RCBTB1: variants seen among roughly 807,000 people sequenced by gnomAD.
The protein encoded by RCBTB1 is RCC1 and BTB domain containing protein 1.
In RCBTB1, 46 loss-of-function variants were observed where a neutral mutation model predicts 62.4. That is an observed-to-expected ratio of 0.74 (90% CI 0.58 to 0.94). The LOEUF is 0.94. Ranked by LOEUF, RCBTB1 falls within the 40% of genes least tolerant of loss-of-function variation. The pLI, the probability that RCBTB1 is intolerant of heterozygous loss-of-function variation, is 0.00. For synonymous variants in RCBTB1, 222 were observed against 245.8 expected (o/e 0.90, Z 0.91); for missense variants, 565 against 654.9 (o/e 0.86, Z 1.50).
intron 2 of RCBTB1, among the ~76,000 whole-genome samples, chr13:49,569,852 G>T (rs9568267): frequency 6.6e-6 from 1 of 152,038 alleles, no homozygotes; most frequent in African/African-American, 2.4e-5. Flanking sequence ...GGCTGCAGTT[G>T]AGCCGAGATC....
At chr13:49,546,136 C>T (rs1203998418) in intron 9 of RCBTB1, 14 of 985,182 alleles carry the variant, frequency 1.4e-5, no homozygotes, top group African/African-American at 1.7e-5. Context: ...TTGCTACCCC[C>T]ACCCATCCAA....
At chr13:49,561,014 A>T (rs1269548995) in intron 4 of RCBTB1, among the ~76,000 whole-genome samples, 1 of 152,136 alleles carries the variant, frequency 6.6e-6, no homozygotes, top group East Asian at 1.9e-4. Context: ...TAATGACTTT[A>T]TCTTTTCTGA....
At chr13:49,553,657 G>A (rs1961587627) in intron 6 of RCBTB1, among the ~76,000 whole-genome samples, 1 of 152,114 alleles carries the variant, frequency 6.6e-6, no homozygotes, top group African/African-American at 2.4e-5. Flanking sequence ...GTGGCATCGA[G>A]CCCCACAGCA....
chr13:49,547,442 A>G (rs1566224164), intron 9 of RCBTB1, among the ~76,000 whole-genome samples: 1 of 152,246 alleles, frequency 6.6e-6, no homozygotes, highest in Non-Finnish European at 1.5e-5. Flanking sequence ...AGCACAGAGC[A>G]TCATGACCCA....
intron 4 of RCBTB1, among the ~76,000 whole-genome samples, chr13:49,563,584 A>C (rs1012983740): frequency 2.6e-5 from 4 of 152,152 alleles, no homozygotes; most frequent in Non-Finnish European, 5.9e-5. Flanking sequence ...GCTTGAACCC[A>C]GGAGGCTGAT....
chr13:49,540,804 ACGC>A, intron 12 of RCBTB1, 69 bp downstream of exon 12: 1 of 1,519,858 alleles, frequency 6.6e-7, no homozygotes, highest in Non-Finnish European at 8.9e-7. Context: ...TCCATGCCTC[ACGC>A]AAGAAGCGGG....
Position 49,560,023 on chromosome 13 carries a change from G to C in RCBTB1, c.339C>G (p.Asn113Lys). The C allele has an allele frequency of 6.2e-7, 1 of 1,614,150 alleles. No individual in the cohort carries two copies. Among genetic ancestry groups the C allele is most frequent in the Non-Finnish European group, 8.5e-7 (1 of 1,180,014 alleles). Reference protein sequence around the residue: ...GYSQLGNGTTNQGIAPVQVCT... With the variant: ...GYSQLGNGTTKQGIAPVQVCT... ...AGACCTGGACGGGAGCAATGCCTTG[G>C]TTGGTCGTCCCATTCCCAAGCTGGC... The change falls in exon 5 of 13, where the codon AAC (asparagine) becomes AAG (lysine). Residue 113 changes from asparagine to lysine, a missense_variant. By Grantham distance (94) the Asn-to-Lys change is moderately conservative. Coordinates refer to ENST00000378302, the MANE Select transcript of RCBTB1 (RefSeq NM_018191.4).
At chr13:49,581,653 C>T (rs935287321) in intron 1 of RCBTB1, among the ~76,000 whole-genome samples, 2 of 152,084 alleles carry the variant, frequency 1.3e-5, no homozygotes, top group South Asian at 2.1e-4. Flanking sequence ...GAAACTCCAA[C>T]GGGAAAGGGA....
At chr13:49,546,205 ACT>A (rs1241077914) in intron 9 of RCBTB1, 1 of 985,166 alleles carries the variant, frequency 1.0e-6, no homozygotes, top group African/African-American at 1.7e-5. Flanking sequence ...GGCTGAAATG[ACT>A]CTTTCTCCTC....
chr13:49,541,157 C>A, intron 11 of RCBTB1, 151 bp from the exon 12 acceptor site: 2 of 644,726 alleles, frequency 3.1e-6, no homozygotes, highest in South Asian at 2.2e-5. Context: ...CTCTTTTTTA[C>A]TGTCTGCCTC....
At chr13:49,568,647 CCGG>C (rs1963185578) in intron 2 of RCBTB1, among the ~76,000 whole-genome samples, 1 of 59,976 alleles carries the variant, frequency 1.7e-5, no homozygotes, top group African/African-American at 8.0e-5. Flanking sequence ...AATAATCAGG[CCGG>C]GGGAGGGGGG....
At position 49,576,522 on chromosome 13, in the gene RCBTB1, A is replaced by G. The variant is rs190168287; in HGVS notation, c.-42+3983T>C. On this transcript the variant is annotated intron_variant, in intron 2 of 12. Transcript: ENST00000378302. ...TGAGAATATAAGTTCAGATTAGGGA[A>G]ATTCTCAACGGAGCATTTATAAAAG... Among the ~76,000 whole-genome samples, 3 of 152,318 alleles carry G rather than the reference A, an allele frequency of 2.0e-5. No individual in the cohort carries two copies. In the East Asian group the frequency reaches 5.8e-4, roughly 29 times the overall value.
chr13:49,566,744 T>C lies in RCBTB1; in HGVS notation c.151A>G (p.Ser51Gly), dbSNP rs1371967391. Residue 51 changes from serine (S) to glycine (G), a missense_variant, in exon 4 of 13, where the codon AGT becomes GGT. Physicochemically the swap from Ser to Gly is moderately conservative, Grantham distance 56. Transcript: ENST00000378302. ...DEVFVFGLNY[S>G]NCLGTGDNQS... ...TTATCTCCAGTTCCTAGACAGTTAC[T>C]ATAGTTCAGTCCAAATACAAAGACC... The C allele has an allele frequency of 1.2e-6, 2 of 1,612,458 alleles. No individual in the cohort carries two copies. The highest frequency in any genetic ancestry group is 1.3e-5 in the African/African-American group (1 of 74,830).
chr13:49,544,827 T>C lies in RCBTB1; in HGVS notation c.1082A>G (p.Lys361Arg). Residue 361 changes from lysine to arginine, a missense_variant, in exon 10 of 13, where the codon AAG becomes AGG. By Grantham distance (26) the Lys-to-Arg change is conservative. Transcript: ENST00000378302. Reference sequence around the variant, plus strand: ...AGTTTCTGGACTATCAAATTCTTTCTTCAGTGACTCTGCAACTGTTAAAAA... The same window carrying C: ...AGTTTCTGGACTATCAAATTCTTTCCTCAGTGACTCTGCAACTGTTAAAAA... ...EDFLTVAESL[K>R]KEFDSPETAD... 1 of 1,612,148 alleles carries C rather than the reference T, an allele frequency of 6.2e-7. No individual in the cohort carries two copies. Among genetic ancestry groups the C allele is most frequent in the South Asian group, 1.1e-5 (1 of 91,048 alleles).
intron 5 of RCBTB1, among the ~76,000 whole-genome samples, chr13:49,559,383 A>G (rs146012288): frequency 0.011 from 1,614 of 152,274 alleles, 34 homozygotes; most frequent in African/African-American, 0.036. Context: ...TTGGCTGGGC[A>G]CGGTGGCTCA....
intron 5 of RCBTB1, among the ~76,000 whole-genome samples, chr13:49,559,205 G>A (rs1466865356): frequency 1.3e-5 from 2 of 152,180 alleles, no homozygotes; most frequent in African/African-American, 2.4e-5. Flanking sequence ...ATATTATTCA[G>A]CCCTGAAAAG....
intron 9 of RCBTB1, chr13:49,546,474 G>A (rs1480539086): frequency 7.8e-6 from 2 of 255,552 alleles, no homozygotes; most frequent in Non-Finnish European, 1.2e-5. Flanking sequence ...ATGGTTTGGG[G>A]ATGATTCAAG....
chr13:49,551,410 C>A lies in RCBTB1; in HGVS notation c.770G>T (p.Trp257Leu). 1 of 1,614,224 alleles carries A rather than the reference C, an allele frequency of 6.2e-7. No homozygotes were observed. Among genetic ancestry groups the A allele is most frequent in the Non-Finnish European group, 8.5e-7 (1 of 1,180,036 alleles). The change falls in exon 8 of 13, where the codon TGG becomes TTG. Residue 257 changes from tryptophan (W) to leucine (L), a missense_variant. Transcript: ENST00000378302. ...ALTDEGLLYAWGANTYGQLGT... is the reference protein window; with the variant it reads ...ALTDEGLLYALGANTYGQLGT... ...CAGCTGCCCATATGTGTTAGCTCCC[C>A]AGGCATACAGCAAGCCCTCATCTGT...
chr13:49,566,131 C>T (rs1962982615), intron 4 of RCBTB1, among the ~76,000 whole-genome samples: 1 of 150,304 alleles, frequency 6.7e-6, no homozygotes. Context: ...TGCAGTAGGC[C>T]GCAGGGTCCT....
Sources: allele counts gnomAD v4.1 joint callset (sites outside exome capture counted in the v4.1 genomes callset), GRCh38; gene constraint gnomAD v4.1.1; transcripts MANE v1.5; gene names NCBI Gene and HGNC (gene_info 2026-07-23, HGNC 2026-07-21).